The following DIXDC1 variants were observed in gnomAD, a reference collection of about 807,000 sequenced individuals.
DIXDC1 encodes DIX domain containing 1.
DIXDC1 carries 64 observed loss-of-function variants against 103.1 expected under a neutral mutation model. The ratio of observed to expected loss-of-function variants is 0.62; its 90% CI spans 0.51 to 0.76. DIXDC1 has a LOEUF of 0.76. Among genes scored for constraint, DIXDC1 ranks in the 30% least tolerant of loss-of-function variants. The pLI is 0.00. For synonymous variants in DIXDC1, 266 were observed against 298.5 expected, an observed-to-expected ratio of 0.89 and a Z score of 1.12; for missense variants, 759 against 834.2, an observed-to-expected ratio of 0.91 and a Z score of 1.11.
At position 111,972,618 on chromosome 11, in the gene DIXDC1, C is replaced by T. The variant is rs148591943; in HGVS notation, c.317-1405C>T. On this transcript the variant is annotated intron_variant, in intron 3 of 19. Transcript: ENST00000440460. The stretch of plus-strand genomic sequence containing the variant: ...GTGTGATCCACCCTCTGATGCACCC[C>T]TCTGCTGCCTCACCTTTCCCTGTCT... 3.9e-4 allele frequency among the ~76,000 whole-genome samples: 60 copies of T among 152,340 alleles called. No individual in the cohort carries two copies. The East Asian group carries it at 4.0e-3, about 10-fold the overall frequency.
intron 2 of DIXDC1, among the ~76,000 whole-genome samples, chr11:111,968,058 G>A (rs1859793901): frequency 6.6e-6 from 1 of 152,232 alleles, no homozygotes; most frequent in Non-Finnish European, 1.5e-5. Flanking sequence ...TTATCAGAGA[G>A]ACCATGATCA....
intron 10 of DIXDC1, among the ~76,000 whole-genome samples, 164 bp from the exon 11 acceptor site, chr11:111,992,251 G>A (rs939537215): frequency 1.3e-5 from 2 of 152,166 alleles, no homozygotes; most frequent in Non-Finnish European, 1.5e-5. Flanking sequence ...GAGGGGGACA[G>A]AAAAACCCCT....
intron 1 of DIXDC1, among the ~76,000 whole-genome samples, chr11:111,940,261 G>T (rs1555168687): frequency 6.6e-6 from 1 of 152,166 alleles, no homozygotes. Context: ...AACATGTCTG[G>T]CAAATAACTC....
chr11:111,949,491 G>A (rs587606071), intron 1 of DIXDC1, among the ~76,000 whole-genome samples: 51 of 152,276 alleles, frequency 3.3e-4, no homozygotes, highest in Middle Eastern at 3.4e-3. Flanking sequence ...TTTGCTCACT[G>A]GTGCTGCTTC....
Position 111,992,412 on chromosome 11 carries a change from T to G in DIXDC1, c.1114-3T>G. The G allele has an allele frequency of 6.4e-7, 1 of 1,570,474 alleles. No individual in the cohort carries two copies. The highest frequency in any genetic ancestry group is 8.6e-7 in the Non-Finnish European group (1 of 1,157,008). On this transcript the variant is annotated splice_region_variant and splice_polypyrimidine_tract_variant and intron_variant, in intron 10 of 19. Transcript: ENST00000440460. ...ACAATAATTAGTATGCTTTTTCCCC[T>G]AGGATGCCTTGCAGCAGAGATTGAC...
At chr11:112,011,991 C>A (rs1367014266) in intron 17 of DIXDC1, among the ~76,000 whole-genome samples, 1 of 152,096 alleles carries the variant, frequency 6.6e-6, no homozygotes. Context: ...TCATGAAAAT[C>A]TTAGGTATAA....
intron 1 of DIXDC1, among the ~76,000 whole-genome samples, chr11:111,959,842 G>T (rs1859512624): frequency 6.6e-6 from 1 of 152,154 alleles, no homozygotes; most frequent in Non-Finnish European, 1.5e-5. Context: ...TGACCTCTTA[G>T]TGCAAGTCAG....
chr11:111,995,724 T>C (rs1860876698), intron 16 of DIXDC1, among the ~76,000 whole-genome samples, 160 bp downstream of exon 16: 1 of 151,480 alleles, frequency 6.6e-6, no homozygotes, highest in Non-Finnish European at 1.5e-5. Context: ...AACTGACTAT[T>C]CATCATGGTA....
At chr11:111,974,732 TA>T in intron 4 of DIXDC1, 143 bp from the exon 5 acceptor site, 1 of 1,422,580 alleles carries the variant, frequency 7.0e-7, no homozygotes, top group Non-Finnish European at 9.3e-7. Context: ...CCTTCCCTGC[TA>T]GGTACCAAGT....
chr11:111,977,378 C>T lies in DIXDC1; in HGVS notation c.656+2395C>T, dbSNP rs1860141947. The T allele has an allele frequency of 9.2e-7, 1 of 1,081,196 alleles. No homozygotes were observed. Among genetic ancestry groups the T allele is most frequent in the Non-Finnish European group, 1.1e-6 (1 of 890,756 alleles). 67.0% of individuals were successfully genotyped at this position (1,081,196 alleles called of 1,614,324 possible). A position where few individuals can be genotyped will look rare whatever the true frequency, so the allele number is the denominator to read the frequency against. ...GCGCAGCCTGCGCCGCCGGGAGCCT[C>T]CCTCCCAGTGGGAGATGGGTTGAGA... On this transcript the variant is annotated intron_variant, in intron 5 of 19. Coordinates refer to ENST00000440460, the MANE Select transcript of DIXDC1 (RefSeq NM_001037954.4). The surrounding 1 kb of genome is among the most constrained non-coding windows in gnomAD (Gnocchi z 6.1).
chr11:111,993,400 G>C (rs1860770439), intron 12 of DIXDC1, 96 bp from the exon 13 acceptor site: 2 of 1,327,562 alleles, frequency 1.5e-6, no homozygotes, highest in Non-Finnish European at 2.1e-6. Flanking sequence ...TTTTCCTGAG[G>C]CTCTACTTTA....
chr11:111,993,469 C>T (rs368324714), intron 12 of DIXDC1, 27 bp from the exon 13 acceptor site: 49 of 1,613,048 alleles, frequency 3.0e-5, no homozygotes, highest in Middle Eastern at 3.3e-4. Flanking sequence ...TTTTGCCGCT[C>T]ATCTTAAAGC....
Position 112,022,621 on chromosome 11 carries a change from A to C in DIXDC1, c.*3585A>C, listed in dbSNP as rs782786931. ...ATTTTCACTTGCGTTTACTGATGAGATTAATCAATAAAGCCATTTACATTT... is the reference window on the plus strand; with the variant it reads ...ATTTTCACTTGCGTTTACTGATGAGCTTAATCAATAAAGCCATTTACATTT... On this transcript the variant is annotated 3_prime_UTR_variant, in exon 20 of 20. Coordinates refer to ENST00000440460, the MANE Select transcript of DIXDC1 (RefSeq NM_001037954.4). This position sits in a 1 kb window ranked among gnomAD's most constrained non-coding sequence, Gnocchi z 4.9. 3 of 152,676 alleles carry C rather than the reference A, an allele frequency of 2.0e-5. No individual in the cohort carries two copies. Among genetic ancestry groups the C allele is most frequent in the South Asian group, 2.1e-4 (1 of 4,834 alleles). 9.5% of individuals were successfully genotyped at this position (152,676 alleles called of 1,614,324 possible). A position where few individuals can be genotyped will look rare whatever the true frequency, so the allele number is the denominator to read the frequency against.
chr11:111,945,166 G>C (rs781793855), intron 1 of DIXDC1, among the ~76,000 whole-genome samples: 2 of 152,190 alleles, frequency 1.3e-5, no homozygotes, highest in Non-Finnish European at 2.9e-5. Flanking sequence ...TCTGTTCTCT[G>C]CCTCTTGTCT....
At position 111,978,323 on chromosome 11, in the gene DIXDC1, G is replaced by A. The variant is rs587727481; in HGVS notation, c.657-2414G>A. On this transcript the variant is annotated intron_variant, in intron 5 of 19. Transcript: ENST00000440460. ...AATTAGCATTAAAATATTTTTTTCTGACCTGGGGCAGAGGATATAATGCAT... is the reference window on the plus strand; with the variant it reads ...AATTAGCATTAAAATATTTTTTTCTAACCTGGGGCAGAGGATATAATGCAT... Among the ~76,000 whole-genome samples the A allele has an allele frequency of 7.5e-4, 114 of 152,166 alleles. 1 individual carries two copies. The South Asian group carries it at 0.023, about 31-fold the overall frequency.
chr11:111,994,518 CAT>C (rs1197009498), intron 14 of DIXDC1, among the ~76,000 whole-genome samples: 4 of 149,736 alleles, frequency 2.7e-5, no homozygotes, highest in Admixed American at 6.7e-5. Context: ...TATAACCATA[CAT>C]ATATATGTAT....
At chr11:111,938,716 C>T (rs1966305734) in intron 1 of DIXDC1, among the ~76,000 whole-genome samples, 5 of 152,206 alleles carry the variant, frequency 3.3e-5, no homozygotes, top group African/African-American at 1.2e-4. Context: ...GCAGCCTGAC[C>T]TGCCACAGAA....
In DIXDC1 at chr11:111,982,389, A is replaced by T. The variant is rs1860339153; in HGVS notation, c.820A>T (p.Thr274Ser). The T allele has an allele frequency of 1.9e-6, 3 of 1,613,972 alleles. No homozygotes were observed. The highest frequency in any genetic ancestry group is 1.6e-4 in the Middle Eastern group (1 of 6,062). ...SRDWRPGSPG[T>S]YLETSWEEQL... ...AGACTGGCGGCCAGGGAGCCCTGGAACCTATCTGGAGACCTCATGGGAAGA... is the reference window on the plus strand; with the variant it reads ...AGACTGGCGGCCAGGGAGCCCTGGATCCTATCTGGAGACCTCATGGGAAGA... Residue 274 changes from threonine (T) to serine (S), a missense_variant, in exon 7 of 20, where the codon ACC becomes TCC. Thr to Ser is a moderately conservative substitution (Grantham distance 58). This residue lies in a region of DIXDC1 where 657 missense variants were observed against 727.5 expected (regional missense o/e 0.90). Transcript: ENST00000440460.
In DIXDC1 at chr11:111,958,906, A is replaced by G. The variant is rs1192578071; in HGVS notation, c.61-5643A>G. Among the ~76,000 whole-genome samples the G allele has an allele frequency of 1.3e-5, 2 of 151,892 alleles. No homozygotes were observed. The highest frequency in any genetic ancestry group is 1.9e-4 in the East Asian group (1 of 5,160). ...CACTCCAGGGTCTCCTCCCTGCTGA[A>G]TGGTGAGCAGATGATGGGAAAACCA... On this transcript the variant is annotated intron_variant, in intron 1 of 19. Coordinates refer to ENST00000440460, the MANE Select transcript of DIXDC1 (RefSeq NM_001037954.4). The surrounding 1 kb of genome is among the most constrained non-coding windows in gnomAD (Gnocchi z 4.2).
Sources: gnomAD v4.1 joint callset for allele counts (sites outside exome capture counted in the v4.1 genomes callset) on GRCh38, gnomAD v4.1.1 for gene constraint, gnomAD v4.1.1 regional missense constraint, Gnocchi (gnomAD v3.1) non-coding constraint, MANE v1.5 for transcripts, NCBI Gene and HGNC (gene_info 2026-07-23, HGNC 2026-07-21) for gene names.